PGAP1: variants seen among roughly 807,000 people sequenced by gnomAD.
PGAP1 encodes post-GPI attachment to proteins inositol deacylase 1.
In PGAP1, 76 loss-of-function variants were observed where a neutral mutation model predicts 127.0. The ratio of observed to expected loss-of-function variants is 0.60; its 90% CI spans 0.50 to 0.72. PGAP1 has a LOEUF of 0.72. PGAP1 is among the 30% of genes least tolerant of loss of function. The pLI is 0.00. For missense variants in PGAP1, 982 were observed against 1,071.3 expected (o/e 0.92, Z 1.16); for synonymous variants, 362 against 366.5 (o/e 0.99, Z 0.14).
intron 14 of PGAP1, 119 bp downstream of exon 14, chr2:196,875,627 T>C (rs964302581): frequency 1.6e-6 from 1 of 643,300 alleles, no homozygotes; most frequent in South Asian, 1.7e-5. Context: ...CCACATCATA[T>C]AGTTATTCTA....
chr2:196,905,824 C>T (rs1433645485), intron 4 of PGAP1, among the ~76,000 whole-genome samples: 1 of 130,942 alleles, frequency 7.6e-6, no homozygotes, highest in Non-Finnish European at 1.6e-5. Flanking sequence ...CTTTCCGAGT[C>T]AAAGAAAGGG....
chr2:196,873,769 C>CAAAGT lies in PGAP1; in HGVS notation c.1427-16_1427-12dup. 6.3e-7 allele frequency: 1 copy of CAAAGT among 1,574,908 alleles called. No individual in the cohort carries two copies. The highest frequency in any genetic ancestry group is 1.7e-5 in the Admixed American group (1 of 59,906). Reference sequence around the variant, plus strand: ...TCCTTGAAGACAATCCTGTTGAATTCAAAGTACTGTATTACTTAGAATATC... The same window carrying CAAAGT: ...TCCTTGAAGACAATCCTGTTGAATTCAAAGTAAAGTACTGTATTACTTAGAATATC... On this transcript the variant is annotated splice_polypyrimidine_tract_variant and intron_variant, in intron 14 of 26. Coordinates refer to ENST00000354764, the MANE Select transcript of PGAP1 (RefSeq NM_024989.4).
At chr2:196,876,800 A>G (rs1307335987) in intron 13 of PGAP1, among the ~76,000 whole-genome samples, 1 of 152,062 alleles carries the variant, frequency 6.6e-6, no homozygotes, top group Non-Finnish European at 1.5e-5. Flanking sequence ...AAAGTGAAAA[A>G]CAGACAGGGA....
rs535634363 is a variant in PGAP1, at chr2:196,834,442, C to T, written c.*6792G>A. On this transcript the variant is annotated 3_prime_UTR_variant, in exon 27 of 27. Coordinates refer to ENST00000354764, the MANE Select transcript of PGAP1 (RefSeq NM_024989.4). ...TACAGTTATAAAATTGCAGGGCACT[C>T]TTTATCATTTCAAGGCACACTCTGT... 1 of 152,478 alleles carries T rather than the reference C, an allele frequency of 6.6e-6. No homozygotes were observed. The highest frequency in any genetic ancestry group is 2.1e-4 in the South Asian group (1 of 4,818). 9.4% of individuals were successfully genotyped at this position (152,478 alleles called of 1,614,324 possible). A position where few individuals can be genotyped will look rare whatever the true frequency, so the allele number is the denominator to read the frequency against.
At chr2:196,900,326 C>G (rs1702445149) in intron 5 of PGAP1, among the ~76,000 whole-genome samples, 1 of 152,204 alleles carries the variant, frequency 6.6e-6, no homozygotes, top group Non-Finnish European at 1.5e-5. Flanking sequence ...GTGTCATTAT[C>G]TGTGTGGGAC....
intron 14 of PGAP1, among the ~76,000 whole-genome samples, chr2:196,874,685 A>G (rs73064952): frequency 0.1 from 15,546 of 152,188 alleles, 961 homozygotes; most frequent in African/African-American, 0.17. Context: ...CTTCTGTGGT[A>G]TTTTGGCAAA....
At chr2:196,863,470 A>T in intron 20 of PGAP1, among the ~76,000 whole-genome samples, 1 of 152,358 alleles carries the variant, frequency 6.6e-6, no homozygotes, top group Middle Eastern at 3.4e-3. Context: ...AGTCAGGCAT[A>T]GAAAGACAAA....
chr2:196,847,671 C>A, intron 21 of PGAP1: 1 of 232,702 alleles, frequency 4.3e-6, no homozygotes, highest in East Asian at 9.9e-5. Flanking sequence ...CTAGGATACT[C>A]ACAGATCATG....
rs1390345138 is a variant in PGAP1, at chr2:196,840,075, T to C, written c.*1159A>G. The C allele has an allele frequency of 1.3e-5, 2 of 152,166 alleles. No homozygotes were observed. Among genetic ancestry groups the C allele is most frequent in the Non-Finnish European group, 1.5e-5 (1 of 68,018 alleles). The allele number at this position is 152,166 out of a possible 1,614,324, so 9.4% of individuals were successfully genotyped here. On this transcript the variant is annotated 3_prime_UTR_variant, in exon 27 of 27. Transcript: ENST00000354764. ...TCTTGTAGCTAAAAGTGACGTAAAT[T>C]CTGAAATGAAATAAAATGTTACTCT...
At chr2:196,848,875 T>C (rs776447227) in intron 20 of PGAP1, among the ~76,000 whole-genome samples, 7 of 152,312 alleles carry the variant, frequency 4.6e-5, no homozygotes, top group Non-Finnish European at 1.0e-4. Context: ...ATTTGAGGAA[T>C]TGTCAGACTG....
intron 7 of PGAP1, among the ~76,000 whole-genome samples, chr2:196,895,598 C>T (rs987933602): frequency 2.0e-5 from 3 of 152,104 alleles, no homozygotes; most frequent in Non-Finnish European, 2.9e-5. Flanking sequence ...AACTTAATAC[C>T]GAATCTTGTA....
Position 196,926,670 on chromosome 2 carries a change from C to G in PGAP1, c.-54G>C, listed in dbSNP as rs1219556637. ...CCGCCCCCTCTACCTCCTTCTCCGC[C>G]GCGGGGCCCCAAGCCCGGACTGAGC... On this transcript the variant is annotated 5_prime_UTR_variant, in exon 1 of 27. Transcript: ENST00000354764. The G allele has an allele frequency of 1.2e-5, 20 of 1,610,286 alleles. No individual in the cohort carries two copies. Among genetic ancestry groups the G allele is most frequent in the Non-Finnish European group, 1.7e-5 (20 of 1,178,454 alleles).
chr2:196,866,536 A>G (rs1212520112), intron 19 of PGAP1, among the ~76,000 whole-genome samples: 1 of 152,216 alleles, frequency 6.6e-6, no homozygotes, highest in Admixed American at 6.5e-5. Context: ...AAACCTAGGC[A>G]ATACCATTCA....
chr2:196,866,052 G>C (rs1358891580), intron 19 of PGAP1, among the ~76,000 whole-genome samples: 3 of 152,276 alleles, frequency 2.0e-5, no homozygotes, highest in Middle Eastern at 3.4e-3. Context: ...ACTGCCCAGA[G>C]TAATTTATAG....
Position 196,873,030 on chromosome 2 carries a change from T to C in PGAP1, c.1553-4A>G, listed in dbSNP as rs747122565. ...CTATAGATACTGGTTATTTCTTCTG[T>C]TAAAACATTTAAAAAATGTATTATT... is the stretch of plus-strand genomic sequence containing the variant. On this transcript the variant is annotated splice_region_variant and splice_polypyrimidine_tract_variant and intron_variant, in intron 16 of 26. Transcript: ENST00000354764. The C allele has an allele frequency of 1.3e-5, 10 of 794,960 alleles. No individual in the cohort carries two copies. The highest frequency in any genetic ancestry group is 1.7e-5 in the South Asian group (1 of 57,628). 49.2% of individuals were successfully genotyped at this position (794,960 alleles called of 1,614,324 possible). A position where few individuals can be genotyped will look rare whatever the true frequency, so the allele number is the denominator to read the frequency against.
At chr2:196,900,278 AG>A (rs1017053123) in intron 5 of PGAP1, among the ~76,000 whole-genome samples, 1 of 152,220 alleles carries the variant, frequency 6.6e-6, no homozygotes, top group African/African-American at 2.4e-5. Flanking sequence ...CACCCAGGGC[AG>A]TTACATGAAT....
intron 20 of PGAP1, among the ~76,000 whole-genome samples, chr2:196,864,440 A>T (rs921954131): frequency 6.7e-6 from 1 of 150,044 alleles, no homozygotes; most frequent in Non-Finnish European, 1.5e-5. Flanking sequence ...TTAGGGCACT[A>T]TTGTTAATTT....
At chr2:196,906,029 C>T (rs1702701440) in intron 4 of PGAP1, among the ~76,000 whole-genome samples, 1 of 76,656 alleles carries the variant, frequency 1.3e-5, no homozygotes. Context: ...GGGGGAGGGG[C>T]GCCCGCCATA....
At chr2:196,858,773 T>C (rs79467243) in intron 20 of PGAP1, among the ~76,000 whole-genome samples, 1 of 152,082 alleles carries the variant, frequency 6.6e-6, no homozygotes, top group East Asian at 1.9e-4. Flanking sequence ...AATAAAAAGT[T>C]GCTTTTTTGA....
Sources: allele counts gnomAD v4.1 joint callset (sites outside exome capture counted in the v4.1 genomes callset), GRCh38; gene constraint gnomAD v4.1.1; transcripts MANE v1.5; gene names NCBI Gene and HGNC (gene_info 2026-07-23, HGNC 2026-07-21).